Variants in MAK observed in about 807,000 individuals in gnomAD.
MAK encodes the protein serine/threonine-protein kinase MAK.
MAK carries 65 observed loss-of-function variants against 82.6 expected under a neutral mutation model. The ratio of observed to expected loss-of-function variants is 0.79; its 90% confidence interval spans 0.64 to 0.97. The LOEUF is 0.97. MAK is among the 50% of genes least tolerant of loss of function. MAK has a pLI of 0.00. For missense variants in MAK, 703 were observed against 780.2 expected (o/e 0.90, Z 1.18); for synonymous variants, 250 against 274.2 (o/e 0.91, Z 0.87).
intron 11 of MAK, among the ~76,000 whole-genome samples, chr6:10,777,869 C>T (rs886476353): frequency 2.6e-5 from 4 of 152,108 alleles, no homozygotes; most frequent in Admixed American, 2.0e-4. Flanking sequence ...GACTCCCAAC[C>T]TCAGGTGATC....
rs1775894464 is a variant in MAK, at chr6:10,800,069, A to C, written c.831+1823T>G. Among the ~76,000 whole-genome samples, 1 of 150,800 alleles carries C rather than the reference A, an allele frequency of 6.6e-6. No individual in the cohort carries two copies. The highest frequency in any genetic ancestry group is 2.5e-5 in the African/African-American group (1 of 40,732). On this transcript the variant is annotated intron_variant, in intron 8 of 14. Transcript: ENST00000354489. The surrounding 1 kb of genome is among the most constrained non-coding windows in gnomAD (Gnocchi z 4.2). ...TTTCAAAAACAAAAACAAAAACAAAAAAAAACTAAACAAAAAAACCCCTCT... is the reference window on the plus strand; with the variant it reads ...TTTCAAAAACAAAAACAAAAACAAACAAAAACTAAACAAAAAAACCCCTCT...
chr6:10,796,171 G>GAGGCTTAGGCTTAGGT lies in MAK; in HGVS notation c.969_970insACCTAAGCCTAAGCCT (p.Leu324ThrfsTer2). The GAGGCTTAGGCTTAGGT allele has an allele frequency of 6.2e-7, 1 of 1,614,208 alleles. No individual in the cohort carries two copies. The highest frequency in any genetic ancestry group is 8.5e-7 in the Non-Finnish European group (1 of 1,180,036). ...ACAACCTGATCGATTATATCCGGCAGAGGCTTAGGCTCTACCTCAACTAAA... is the reference window on the plus strand; with the variant it reads ...ACAACCTGATCGATTATATCCGGCAGAGGCTTAGGCTTAGGTAGGCTTAGGCTCTACCTCAACTAAA... On this transcript the variant is annotated stop_gained and frameshift_variant, in exon 9 of 15. Coordinates refer to ENST00000354489, the MANE Select transcript of MAK (RefSeq NM_001242957.3). LOFTEE classifies it high-confidence loss of function.
intron 14 of MAK, 84 bp from the exon 15 acceptor site, chr6:10,764,690 T>C (rs1581625336): frequency 7.9e-7 from 1 of 1,269,090 alleles, no homozygotes; most frequent in East Asian, 2.3e-5. Flanking sequence ...TCTCATTTGA[T>C]GGGGAAAATC....
chr6:10,765,826 C>A (rs997775567), intron 14 of MAK, among the ~76,000 whole-genome samples: 12 of 152,116 alleles, frequency 7.9e-5, no homozygotes, highest in African/African-American at 2.9e-4. Context: ...GGTGGGAACA[C>A]AATTCCCTTA....
In MAK at chr6:10,818,901, G is replaced by C. The variant is rs755994791; in HGVS notation, c.141C>G (p.Asn47Lys). 6.3e-7 allele frequency: 1 copy of C among 1,588,738 alleles called. No homozygotes were observed. Among genetic ancestry groups the C allele is most frequent in the Non-Finnish European group, 8.6e-7 (1 of 1,157,770 alleles). ...AGGATTTTACCTTAACTTCTCTCAA[G>C]TTCATGCATTCATCCCAAGAATAGA... ...RKFYSWDECMNLREVKSLKKL... is the reference protein window; with the variant it reads ...RKFYSWDECMKLREVKSLKKL... The change falls in exon 3 of 15, where the codon AAC (asparagine) becomes AAG (lysine). Residue 47 changes from asparagine to lysine, a missense_variant. Asn to Lys is a moderately conservative substitution (Grantham distance 94). Transcript: ENST00000354489.
At chr6:10,830,927 C>A (rs1041571310) in intron 1 of MAK, 50 bp from the exon 2 acceptor site, 3 of 402,656 alleles carry the variant, frequency 7.5e-6, no homozygotes, top group East Asian at 1.1e-4. Context: ...CAAGTCTCTT[C>A]AAAAATTGTA....
rs1264094117 is a variant in MAK at position 10,796,251 on chromosome 6, A to G, written c.890T>C (p.Leu297Pro). Residue 297 changes from leucine (L) to proline (P), a missense_variant, in exon 9 of 15, where the codon CTG (leucine) becomes CCG (proline). Coordinates refer to ENST00000354489, the MANE Select transcript of MAK (RefSeq NM_001242957.3). ...GQVLGPSSNHLESKQSLNKQL... is the reference protein window; with the variant it reads ...GQVLGPSSNHPESKQSLNKQL... ...CTTATTTAAAGACTGTTTTGATTCCAGATGATTTGACGAAGGGCCTAATAC... is the reference window on the plus strand; with the variant it reads ...CTTATTTAAAGACTGTTTTGATTCCGGATGATTTGACGAAGGGCCTAATAC... The G allele has an allele frequency of 6.2e-7, 1 of 1,614,196 alleles. No homozygotes were observed. Among genetic ancestry groups the G allele is most frequent in the South Asian group, 1.1e-5 (1 of 91,076 alleles).
At chr6:10,779,696 T>A (rs187467821) in intron 11 of MAK, among the ~76,000 whole-genome samples, 4 of 152,306 alleles carry the variant, frequency 2.6e-5, no homozygotes, top group African/African-American at 4.8e-5. Flanking sequence ...TAAATTTTTT[T>A]ATTTTTTGAG....
intron 10 of MAK, among the ~76,000 whole-genome samples, chr6:10,787,251 A>G (rs142376774): frequency 2.6e-5 from 4 of 152,088 alleles, no homozygotes; most frequent in South Asian, 2.1e-4. Context: ...TCACAAATCC[A>G]CCAATTCACC....
At chr6:10,806,312 T>C (rs1776444667) in intron 6 of MAK, among the ~76,000 whole-genome samples, 1 of 132,788 alleles carries the variant, frequency 7.5e-6, no homozygotes, top group East Asian at 2.3e-4. Context: ...GTTACAAGTA[T>C]GTGCCACCAT....
Position 10,802,031 on chromosome 6 carries a change from G to A in MAK, c.692C>T (p.Ala231Val). Reference protein sequence around the residue: ...KSDWPEGYQLASSMNFRFPQC... With the variant: ...KSDWPEGYQLVSSMNFRFPQC... Reference sequence around the variant, plus strand: ...GGGAAAACGGAAGTTCATAGAGGATGCCAGCTGGTATCCTTCTGGCCAGTC... The same window carrying A: ...GGGAAAACGGAAGTTCATAGAGGATACCAGCTGGTATCCTTCTGGCCAGTC... The change falls in exon 8 of 15, where the codon GCA becomes GTA. Residue 231 changes from alanine (A) to valine (V), a missense_variant. Ala to Val is a moderately conservative substitution (Grantham distance 64). Transcript: ENST00000354489. The A allele has an allele frequency of 6.2e-7, 1 of 1,614,042 alleles. No individual in the cohort carries two copies. The highest frequency in any genetic ancestry group is 8.5e-7 in the Non-Finnish European group (1 of 1,179,954).
At chr6:10,819,841 G>A (rs760231050) in intron 2 of MAK, among the ~76,000 whole-genome samples, 87 of 152,176 alleles carry the variant, frequency 5.7e-4, no homozygotes, top group African/African-American at 1.6e-3. Flanking sequence ...GGCCGGGCGC[G>A]GTGGCTCACA....
At chr6:10,837,486 C>A (rs1355954259) in intron 1 of MAK, among the ~76,000 whole-genome samples, 1 of 152,218 alleles carries the variant, frequency 6.6e-6, no homozygotes, top group African/African-American at 2.4e-5. Context: ...CCGGTCAAGC[C>A]TCGGGAATTG....
chr6:10,799,829 C>A (rs1561968265), intron 8 of MAK, among the ~76,000 whole-genome samples: 1 of 151,942 alleles, frequency 6.6e-6, no homozygotes, highest in Non-Finnish European at 1.5e-5. Flanking sequence ...GGGTGGATCA[C>A]CTAAGGTCAG....
At position 10,817,944 on chromosome 6, in the gene MAK, C is replaced by T. The variant is rs764738214; in HGVS notation, c.184G>A (p.Val62Ile). The stretch of plus-strand genomic sequence containing the variant: ...CTGATAACTTCTTTCAATTTAATAA[C>T]ATTGGCATGATTAAGTTTCTTCAGA... ...KSLKKLNHAN[V>I]IKLKEVIREN... The change falls in exon 4 of 15, where the codon GTT becomes ATT. Residue 62 changes from valine (V) to isoleucine (I), a missense_variant. Coordinates refer to ENST00000354489, the MANE Select transcript of MAK (RefSeq NM_001242957.3). The T allele has an allele frequency of 1.5e-5, 21 of 1,422,840 alleles. No individual in the cohort carries two copies. Among genetic ancestry groups the T allele is most frequent in the Admixed American group, 3.6e-5 (2 of 55,300 alleles). 88.1% of individuals were successfully genotyped at this position (1,422,840 alleles called of 1,614,324 possible).
chr6:10,794,021 G>C (rs775960211), intron 9 of MAK, among the ~76,000 whole-genome samples: 14 of 152,162 alleles, frequency 9.2e-5, no homozygotes, highest in Non-Finnish European at 2.1e-4. Flanking sequence ...TCAGTCATTG[G>C]TGAATGGTGT....
At chr6:10,823,781 T>C (rs1759992001) in intron 2 of MAK, among the ~76,000 whole-genome samples, 1 of 151,970 alleles carries the variant, frequency 6.6e-6, no homozygotes. Flanking sequence ...CCACCCCACT[T>C]GGCCTCCCAA....
At chr6:10,779,626 A>T (rs1342905549) in intron 11 of MAK, 1 of 164,460 alleles carries the variant, frequency 6.1e-6, no homozygotes, top group Admixed American at 6.6e-5. Flanking sequence ...ATTCCTGAAG[A>T]TACTCAATTA....
intron 12 of MAK, among the ~76,000 whole-genome samples, chr6:10,775,121 TACAA>T (rs1158753510): frequency 1.3e-5 from 2 of 152,148 alleles, no homozygotes; most frequent in African/African-American, 2.4e-5. Flanking sequence ...CTCATCCAGC[TACAA>T]ACAGTTTTAT....
Sources: gnomAD v4.1 joint callset for allele counts (sites outside exome capture counted in the v4.1 genomes callset) on GRCh38, gnomAD v4.1.1 for gene constraint, Gnocchi (gnomAD v3.1) non-coding constraint, MANE v1.5 for transcripts, NCBI Gene and HGNC (gene_info 2026-07-23, HGNC 2026-07-21) for gene names.